Variants in GRIP1 observed in about 807,000 individuals in gnomAD.
GRIP1 encodes glutamate receptor-interacting protein 1.
In GRIP1, 45 loss-of-function variants were observed where a neutral mutation model predicts 129.9. The ratio of observed to expected loss-of-function variants is 0.35; its 90% CI spans 0.27 to 0.44. GRIP1 has a LOEUF of 0.44. Among genes scored for constraint, GRIP1 ranks in the 20% least tolerant of loss-of-function variants. GRIP1 has a pLI of 1.00. For synonymous variants in GRIP1, 530 were observed against 520.8 expected (o/e 1.02, Z -0.24); for missense variants, 1,196 against 1,396.8 (o/e 0.86, Z 2.29).
At chr12:67,014,525 G>A (rs2042755803) in intron 1 of GRIP1, among the ~76,000 whole-genome samples, 1 of 152,078 alleles carries the variant, frequency 6.6e-6, no homozygotes. Context: ...CATACATATT[G>A]ATAGCCTGAG....
chr12:66,652,131 T>C (rs1002773841), intron 1 of GRIP1, among the ~76,000 whole-genome samples: 2 of 152,174 alleles, frequency 1.3e-5, no homozygotes, highest in Non-Finnish European at 2.9e-5. Flanking sequence ...CAAAGTCCTA[T>C]AGTAGCAGCT....
intron 1 of GRIP1, among the ~76,000 whole-genome samples, chr12:66,863,515 G>A (rs1201140251): frequency 6.6e-6 from 1 of 152,074 alleles, no homozygotes; most frequent in Non-Finnish European, 1.5e-5. Context: ...CTGGAGGAAG[G>A]GAGGGAGAGA....
intron 1 of GRIP1, among the ~76,000 whole-genome samples, chr12:66,759,767 A>G (rs61926150): frequency 0.024 from 2,121 of 89,622 alleles, 22 homozygotes; most frequent in Middle Eastern, 0.1. Flanking sequence ...AAACATAACA[A>G]TAAATCACCT....
chr12:66,530,051 G>C (rs1592496800), intron 4 of GRIP1, 137 bp from the exon 5 acceptor site: 2 of 611,160 alleles, frequency 3.3e-6, no homozygotes, highest in Middle Eastern at 3.4e-4. Flanking sequence ...CCTTTTCAAA[G>C]AAAATGTTTA....
At chr12:66,793,636 T>A (rs2038610860) in intron 1 of GRIP1, among the ~76,000 whole-genome samples, 1 of 152,156 alleles carries the variant, frequency 6.6e-6, no homozygotes, top group Non-Finnish European at 1.5e-5. Context: ...TGGAATTATA[T>A]CCAAGCTGAC....
chr12:66,522,597 G>T (rs990923473), intron 5 of GRIP1, among the ~76,000 whole-genome samples: 6 of 152,204 alleles, frequency 3.9e-5, no homozygotes, highest in African/African-American at 1.4e-4. Flanking sequence ...AAACAGAGCA[G>T]AAAAACTGGA....
At chr12:66,445,595 TA>T (rs1654658260) in intron 11 of GRIP1, 87 bp from the exon 12 acceptor site, 1 of 933,162 alleles carries the variant, frequency 1.1e-6, no homozygotes, top group African/African-American at 1.6e-5. Flanking sequence ...TGTCTCTGCA[TA>T]AAAACTGAAT....
At chr12:66,807,038 G>A (rs568296528), upstream of GRIP1, among the ~76,000 whole-genome samples, 1 of 152,220 alleles carries the variant, frequency 6.6e-6, no homozygotes, top group African/African-American at 2.4e-5. Context: ...CACAGAGAAT[G>A]AAAGGATGTT....
chr12:66,916,601 A>G (rs2041126455), intron 1 of GRIP1, among the ~76,000 whole-genome samples: 1 of 152,210 alleles, frequency 6.6e-6, no homozygotes, highest in South Asian at 2.1e-4. Context: ...TTTTAAATGC[A>G]AAATGTATCT....
intron 16 of GRIP1, among the ~76,000 whole-genome samples, chr12:66,402,695 T>C (rs1388955645): frequency 2.0e-5 from 3 of 152,192 alleles, no homozygotes; most frequent in Non-Finnish European, 2.9e-5. Context: ...GTATGAGCAA[T>C]ATTTCTGGGG....
intron 1 of GRIP1, among the ~76,000 whole-genome samples, chr12:67,029,247 T>C (rs962315465): frequency 6.6e-6 from 1 of 152,132 alleles, no homozygotes; most frequent in African/African-American, 2.4e-5. Flanking sequence ...ATAGCTAGCA[T>C]GCCTAGCTAA....
chr12:67,060,505 A>C (rs2043513622), intron 1 of GRIP1, among the ~76,000 whole-genome samples: 1 of 152,190 alleles, frequency 6.6e-6, no homozygotes, highest in African/African-American at 2.4e-5. Context: ...ATGTTAGTAC[A>C]TATTTAAGTA....
Position 66,444,680 on chromosome 12 carries a change from G to A in GRIP1, c.1591C>T (p.Pro531Ser). ...GDRVMAINGI[P>S]TEDSTFEEAS... ...TCTTCGAAGGTGCTGTCTTCTGTTG[G>A]AATTCCATTGATGGCCATCACTCTG... Residue 531 changes from proline (P) to serine (S), a missense_variant, in exon 13 of 25, where the codon CCA (proline) becomes TCA (serine). Around this residue, in one of 5 missense-constraint regions of GRIP1, gnomAD observed 508 missense variants for 587.0 expected, o/e 0.87. Transcript: ENST00000359742. 1 of 1,613,882 alleles carries A rather than the reference G, an allele frequency of 6.2e-7. No individual in the cohort carries two copies. Among genetic ancestry groups the A allele is most frequent in the South Asian group, 1.1e-5 (1 of 91,072 alleles).
chr12:67,039,906 C>T (rs1185068822), intron 1 of GRIP1, among the ~76,000 whole-genome samples: 2 of 152,056 alleles, frequency 1.3e-5, no homozygotes, highest in Non-Finnish European at 2.9e-5. Context: ...CTAAATGGAC[C>T]TCCGTTGTGG....
chr12:66,840,666 GCAAT>G (rs2039699558), intron 1 of GRIP1, among the ~76,000 whole-genome samples: 1 of 152,134 alleles, frequency 6.6e-6, no homozygotes, highest in African/African-American at 2.4e-5. Flanking sequence ...ACACTACTGA[GCAAT>G]CTATTTAGAC....
chr12:66,974,932 T>C (rs2042130081), intron 1 of GRIP1, among the ~76,000 whole-genome samples: 4 of 152,234 alleles, frequency 2.6e-5, no homozygotes. Context: ...CTGTTATGAC[T>C]GCTGTTGCCA....
chr12:66,952,132 G>C (rs2041768005), intron 1 of GRIP1, among the ~76,000 whole-genome samples: 1 of 152,064 alleles, frequency 6.6e-6, no homozygotes, highest in African/African-American at 2.4e-5. Flanking sequence ...GAGGAGGGGA[G>C]GGGAAAAGAA....
upstream of GRIP1, among the ~76,000 whole-genome samples, chr12:66,682,645 T>C (rs1207765649): frequency 6.6e-6 from 1 of 152,168 alleles, no homozygotes; most frequent in Non-Finnish European, 1.5e-5. Context: ...TTCTTTTATA[T>C]AACATCTCCA....
chr12:66,775,396 T>C (rs2037948127), intron 1 of GRIP1, among the ~76,000 whole-genome samples: 1 of 152,206 alleles, frequency 6.6e-6, no homozygotes, highest in Admixed American at 6.5e-5. Context: ...AGTTGTAGAA[T>C]CATTCCCCTG....
Sources: allele counts gnomAD v4.1 joint callset (sites outside exome capture counted in the v4.1 genomes callset), GRCh38; gene constraint gnomAD v4.1.1; regional missense constraint gnomAD v4.1.1; transcripts MANE v1.5; gene names NCBI Gene and HGNC (gene_info 2026-07-23, HGNC 2026-07-21).